The following HMCN1 variants were observed in gnomAD, a reference collection of about 807,000 sequenced individuals.
HMCN1 encodes hemicentin 1, also known as hemicentin-1.
Under a neutral mutation model 625.9 loss-of-function variants are expected in HMCN1, and 321 were observed. That is an observed-to-expected ratio of 0.51 (90% confidence interval 0.47 to 0.56). HMCN1 has a LOEUF of 0.56. HMCN1 is among the 20% of genes least tolerant of loss of function. The pLI is 0.00. For missense variants in HMCN1, 6,588 were observed against 6,887.3 expected, an observed-to-expected ratio of 0.96 and a Z score of 1.54; for synonymous variants, 2,425 against 2,417.6, an observed-to-expected ratio of 1.00 and a Z score of -0.09.
At chr1:185,746,937 A>G (rs989330968) in intron 1 of HMCN1, among the ~76,000 whole-genome samples, 2 of 152,080 alleles carry the variant, frequency 1.3e-5, no homozygotes, top group South Asian at 4.1e-4. Context: ...GACACCAGTC[A>G]TATTGGATTA....
At chr1:186,171,616 TA>T (rs1652238044) in intron 101 of HMCN1, among the ~76,000 whole-genome samples, 166 bp downstream of exon 101, 1 of 152,200 alleles carries the variant, frequency 6.6e-6, no homozygotes, top group African/African-American at 2.4e-5. Flanking sequence ...AATGCTGTTT[TA>T]TGAGTTTCTT....
chr1:185,949,138 C>A (rs1668507822), intron 11 of HMCN1, among the ~76,000 whole-genome samples: 1 of 151,860 alleles, frequency 6.6e-6, no homozygotes, highest in African/African-American at 2.4e-5. Flanking sequence ...TTATTTACTT[C>A]AAGAGTTAAG....
intron 65 of HMCN1, 75 bp from the exon 66 acceptor site, chr1:186,093,411 T>A (rs1177301235): frequency 6.3e-7 from 1 of 1,586,052 alleles, no homozygotes; most frequent in East Asian, 2.2e-5. Context: ...TGAGAGCAAT[T>A]GTAGTAGAAA....
At chr1:186,022,355 A>T (rs966538529) in intron 35 of HMCN1, among the ~76,000 whole-genome samples, 6 of 152,132 alleles carry the variant, frequency 3.9e-5, no homozygotes, top group African/African-American at 1.4e-4. Flanking sequence ...TATCTTTAAC[A>T]CCCAGAAAGT....
In HMCN1 at chr1:185,893,984, A is replaced by G. The variant is rs1665316263; in HGVS notation, c.622-15353A>G. Among the ~76,000 whole-genome samples, 6 of 152,050 alleles carry G rather than the reference A, an allele frequency of 3.9e-5. No individual in the cohort carries two copies. In the South Asian group the frequency reaches 1.2e-3, roughly 32 times the overall value. The stretch of plus-strand genomic sequence containing the variant: ...TCATCAAAAAACATAGATTACAAAA[A>G]ATTAGCCAGGCGTAGTGGCGGGCCC... On this transcript the variant is annotated intron_variant, in intron 4 of 106. Coordinates refer to ENST00000271588, the MANE Select transcript of HMCN1 (RefSeq NM_031935.3).
rs534143825 is a variant in HMCN1 at position 185,916,312 on chromosome 1, C to A, written c.900+4532C>A. ...AGCAAATACTTTGAAAAGAGGTCGA[C>A]ATCTATTTGAATTCAAGATTCATTA... On this transcript the variant is annotated intron_variant, in intron 6 of 106. Coordinates refer to ENST00000271588, the MANE Select transcript of HMCN1 (RefSeq NM_031935.3). Among the ~76,000 whole-genome samples the A allele has an allele frequency of 7.2e-5, 11 of 152,174 alleles. 1 individual carries two copies. In the South Asian group the frequency reaches 1.7e-3, roughly 23 times the overall value.
intron 103 of HMCN1, among the ~76,000 whole-genome samples, chr1:186,175,494 T>G (rs1652504186): frequency 6.6e-6 from 1 of 152,216 alleles, no homozygotes; most frequent in Non-Finnish European, 1.5e-5. Context: ...ATACCATTAC[T>G]AGAAACTCTT....
rs145079089 is a variant in HMCN1, at chr1:186,084,559, C to A, written c.8884+1598C>A. Among the ~76,000 whole-genome samples, 566 of 152,180 alleles carry A rather than the reference C, an allele frequency of 3.7e-3. 4 individuals carry two copies. Among genetic ancestry groups the A allele is most frequent in the African/African-American group, 0.013 (539 of 41,514 alleles). On this transcript the variant is annotated intron_variant, in intron 57 of 106. Transcript: ENST00000271588. ...CCATTTGTTATCTCCCTCTACAACT[C>A]TGCTTGCTTCTTTTGTACTCCTTCA... is the stretch of plus-strand genomic sequence containing the variant.
intron 23 of HMCN1, among the ~76,000 whole-genome samples, chr1:185,994,126 A>G (rs2102040224): frequency 6.6e-6 from 1 of 152,306 alleles, no homozygotes; most frequent in Middle Eastern, 3.4e-3. Context: ...TAAAGAAAAA[A>G]ACATAGAAAT....
intron 80 of HMCN1, 105 bp from the exon 81 acceptor site, chr1:186,122,846 A>C (rs1055611748): frequency 8.2e-7 from 1 of 1,213,322 alleles, no homozygotes; most frequent in African/African-American, 1.5e-5. Flanking sequence ...TGAAGTCAGG[A>C]TTTTGTTTCT....
At chr1:185,903,798 T>C (rs913978058) in intron 4 of HMCN1, among the ~76,000 whole-genome samples, 5 of 151,780 alleles carry the variant, frequency 3.3e-5, no homozygotes, top group Non-Finnish European at 5.9e-5. Context: ...CTGTATAAAA[T>C]CTGAATGCCA....
intron 40 of HMCN1, among the ~76,000 whole-genome samples, chr1:186,041,516 T>G (rs1656204788): frequency 6.6e-6 from 1 of 152,170 alleles, no homozygotes; most frequent in Non-Finnish European, 1.5e-5. Context: ...TTCTAACTAT[T>G]TGTAATCAGC....
At chr1:186,064,666 C>T (rs933461559) in intron 48 of HMCN1, among the ~76,000 whole-genome samples, 2 of 151,560 alleles carry the variant, frequency 1.3e-5, no homozygotes, top group Non-Finnish European at 2.9e-5. Context: ...AAAAATTAGC[C>T]GGGTGTGGTA....
At chr1:185,980,947 A>G (rs761509851) in intron 16 of HMCN1, 31 bp from the exon 17 acceptor site, 4 of 1,218,948 alleles carry the variant, frequency 3.3e-6, no homozygotes, top group Non-Finnish European at 4.9e-6. Flanking sequence ...CATAGATGGT[A>G]TTGGATGAGT....
intron 1 of HMCN1, among the ~76,000 whole-genome samples, chr1:185,738,615 A>C (rs954650185): frequency 2.6e-5 from 4 of 152,158 alleles, no homozygotes; most frequent in African/African-American, 9.7e-5. Flanking sequence ...TCTATGTTTA[A>C]CTGTTTGAGA....
At chr1:186,039,626 C>A (rs1378186630) in intron 38 of HMCN1, 102 bp from the exon 39 acceptor site, 1 of 1,282,108 alleles carries the variant, frequency 7.8e-7, no homozygotes, top group Non-Finnish European at 1.1e-6. Context: ...AGCAAACCCT[C>A]CAATAAGAAC....
At chr1:185,846,461 T>G (rs561430750) in intron 2 of HMCN1, among the ~76,000 whole-genome samples, 1 of 152,324 alleles carries the variant, frequency 6.6e-6, no homozygotes, top group Admixed American at 6.5e-5. Context: ...TCCCATAAAA[T>G]TAATGGCATA....
At chr1:186,060,889 T>G (rs1036162626) in intron 46 of HMCN1, among the ~76,000 whole-genome samples, 3 of 151,954 alleles carry the variant, frequency 2.0e-5, no homozygotes, top group African/African-American at 7.3e-5. Flanking sequence ...CCTAACCATC[T>G]GATCACAGGT....
At chr1:186,159,274 C>G (rs1325111196) in intron 97 of HMCN1, among the ~76,000 whole-genome samples, 1 of 152,134 alleles carries the variant, frequency 6.6e-6, no homozygotes, top group African/African-American at 2.4e-5. Flanking sequence ...GATTTTGTAT[C>G]CTGAGACTTT....
Sources: gnomAD v4.1 joint callset for allele counts (sites outside exome capture counted in the v4.1 genomes callset) on GRCh38, gnomAD v4.1.1 for gene constraint, MANE v1.5 for transcripts, NCBI Gene and HGNC (gene_info 2026-07-23, HGNC 2026-07-21) for gene names.